The following FAM110A variants were observed in gnomAD, a reference collection of about 807,000 sequenced individuals.
FAM110A encodes protein FAM110A.
A neutral mutation model predicts 4.0 loss-of-function variants in FAM110A; 1 was observed. That is an observed-to-expected ratio of 0.25 (90% CI 0.09 to 1.20). The LOEUF (loss-of-function observed/expected upper bound fraction) is 1.20, where lower values mean the gene tolerates loss of function less well. FAM110A is among the 50% of genes most tolerant of loss of function. The pLI, the probability that FAM110A is intolerant of heterozygous loss-of-function variation, is 0.50. For missense variants in FAM110A, 436 were observed against 429.2 expected (o/e 1.02, Z -0.14); for synonymous variants, 217 against 196.8 (o/e 1.10, Z -0.86).
chr20:835,370 G>A (rs1325878236), intron 1 of FAM110A, among the ~76,000 whole-genome samples: 1 of 151,984 alleles, frequency 6.6e-6, no homozygotes, highest in Non-Finnish European at 1.5e-5. Context: ...CAGTCTCTGG[G>A]CTGAGCTAAG....
chr20:838,987 G>A (rs925587386), intron 1 of FAM110A, among the ~76,000 whole-genome samples: 5 of 152,190 alleles, frequency 3.3e-5, no homozygotes, highest in African/African-American at 9.6e-5. Flanking sequence ...AAACATTGCC[G>A]TTATTGCCCC....
chr20:838,295 CTT>C (rs1373154682), intron 1 of FAM110A, among the ~76,000 whole-genome samples: 1 of 152,206 alleles, frequency 6.6e-6, no homozygotes, highest in African/African-American at 2.4e-5. Context: ...TTCTTCCTCT[CTT>C]TCTTTCTTCT....
intron 1 of FAM110A, among the ~76,000 whole-genome samples, chr20:841,988 A>G (rs1162128009): frequency 2.0e-5 from 3 of 152,308 alleles, no homozygotes; most frequent in Non-Finnish European, 2.9e-5. Flanking sequence ...GGACTTGGTT[A>G]GTCGAAATCT....
chr20:835,463 C>A (rs1008634346), intron 1 of FAM110A, among the ~76,000 whole-genome samples: 2 of 151,986 alleles, frequency 1.3e-5, no homozygotes, highest in African/African-American at 4.8e-5. Context: ...CCTCCCCCTC[C>A]CCTTTCTAAT....
At chr20:835,194 C>A (rs371125061) in intron 1 of FAM110A, among the ~76,000 whole-genome samples, 8,026 of 124,146 alleles carry the variant, frequency 0.065, 315 homozygotes, top group African/African-American at 0.13. Context: ...CTCTCTCTCT[C>A]TCTCTCTATA....
Position 845,607 on chromosome 20 carries a change from T to A in FAM110A, c.803T>A (p.Val268Glu). The change falls in exon 2 of 2, where the codon GTG becomes GAG. Residue 268 changes from valine to glutamate, a missense_variant. Physicochemically the swap from Val to Glu is moderately radical, Grantham distance 121 (BLOSUM62 -2). Transcript: ENST00000381941. ...ERARERVPYGVSVVERNARVI... is the reference protein window; with the variant it reads ...ERARERVPYGESVVERNARVI... ...GCCCGGGAGCGCGTTCCCTATGGCGTGTCGGTGGTGGAGCGCAATGCCCGC... is the reference window on the plus strand; with the variant it reads ...GCCCGGGAGCGCGTTCCCTATGGCGAGTCGGTGGTGGAGCGCAATGCCCGC... The A allele has an allele frequency of 1.2e-6, 2 of 1,613,984 alleles. No individual in the cohort carries two copies. The highest frequency in any genetic ancestry group is 1.7e-6 in the Non-Finnish European group (2 of 1,180,004).
rs1980282773 is a variant in FAM110A at position 845,511 on chromosome 20, G to A, written c.707G>A (p.Gly236Glu). Residue 236 changes from glycine (G) to glutamate (E), a missense_variant, in exon 2 of 2, where the codon GGG becomes GAG. By Grantham distance (98) the Gly-to-Glu change is moderately conservative. Coordinates refer to ENST00000381941, the MANE Select transcript of FAM110A (RefSeq NM_001042353.3). ...AGCTCGGATATCGTGTCCCTGGCAG[G>A]GCCCAGTGCTGGGCCGGGCAGCTCT... ...RASSDIVSLAGPSAGPGSSEG... is the reference protein window; with the variant it reads ...RASSDIVSLAEPSAGPGSSEG... 1 of 1,612,276 alleles carries A rather than the reference G, an allele frequency of 6.2e-7. No individual in the cohort carries two copies. Among genetic ancestry groups the A allele is most frequent in the Admixed American group, 1.7e-5 (1 of 59,854 alleles).
At position 845,796 on chromosome 20, in the gene FAM110A, A is replaced by G. The variant is rs1215429674; in HGVS notation, c.*104A>G. On this transcript the variant is annotated 3_prime_UTR_variant, in exon 2 of 2. Transcript: ENST00000381941. ...TCTAGACGGCCGTGTCAGAGGCTCCACCCTGTTGTGAACTTGGTATGGAGG... is the reference window on the plus strand; with the variant it reads ...TCTAGACGGCCGTGTCAGAGGCTCCGCCCTGTTGTGAACTTGGTATGGAGG... The G allele has an allele frequency of 6.6e-7, 1 of 1,518,110 alleles. No individual in the cohort carries two copies. Among genetic ancestry groups the G allele is most frequent in the Non-Finnish European group, 8.8e-7 (1 of 1,133,240 alleles). The allele number at this position is 1,518,110 out of a possible 1,614,324, so 94.0% of individuals were successfully genotyped here. A position where few individuals can be genotyped will look rare whatever the true frequency, so the allele number is the denominator to read the frequency against.
chr20:839,581 C>G, intron 1 of FAM110A: 1 of 1,016,536 alleles, frequency 9.8e-7, no homozygotes, highest in East Asian at 2.4e-5. Context: ...TCTCTGTCAG[C>G]TTCCCGTCTT....
intron 1 of FAM110A, 34 bp from the exon 2 acceptor site, chr20:844,674 G>GC: frequency 1.8e-5 from 20 of 1,123,738 alleles, no homozygotes; most frequent in Non-Finnish European, 2.2e-5. Context: ...AGCGCGCTCG[G>GC]CTTTTTTTTT....
intron 1 of FAM110A, chr20:839,725 G>A: frequency 1.5e-6 from 2 of 1,302,030 alleles, no homozygotes; most frequent in Non-Finnish European, 2.2e-6. Flanking sequence ...TCTGGGGGCA[G>A]ATGAAGGTAA....
chr20:835,194 C>CTATATA (rs1485050831), intron 1 of FAM110A, among the ~76,000 whole-genome samples: 13 of 124,320 alleles, frequency 1.0e-4, no homozygotes, highest in South Asian at 5.2e-4. Flanking sequence ...CTCTCTCTCT[C>CTATATA]TCTCTCTATA....
rs1159065651 is a variant in FAM110A, at chr20:840,231, GA to G, written c.-97-4474del. 2.6e-5 allele frequency among the ~76,000 whole-genome samples: 4 copies of G among 152,132 alleles called. No individual in the cohort carries two copies. The highest frequency in any genetic ancestry group is 9.7e-5 in the African/African-American group (4 of 41,406). ...GGAGGCTGCAGTGCTGAGGGGGAAG[GA>G]AAGCTGATGTGCATCACTGCCGGTC... On this transcript the variant is annotated intron_variant, in intron 1 of 1. Transcript: ENST00000381941. The surrounding 1 kb of genome is among the most constrained non-coding windows in gnomAD (Gnocchi z 4.4).
chr20:835,146 A>G (rs1387016477), intron 1 of FAM110A, among the ~76,000 whole-genome samples: 2 of 148,972 alleles, frequency 1.3e-5, no homozygotes, highest in Non-Finnish European at 1.5e-5. Context: ...CACAGCCTTC[A>G]TGAAGTGCAG....
In FAM110A at chr20:845,002, T is replaced by A. The variant is rs779625752; in HGVS notation, c.198T>A (p.Pro66=). ...SLHVANTRQE[P]VQPLLSKQPL... is the part of the protein sequence containing the mutation. Reference sequence around the variant, plus strand: ...ACGTGGCCAACACCCGCCAGGAGCCTGTGCAGCCCCTGCTGTCCAAACAGC... The same window carrying A: ...ACGTGGCCAACACCCGCCAGGAGCCAGTGCAGCCCCTGCTGTCCAAACAGC... The change falls in exon 2 of 2, where the codon CCT becomes CCA. Residue 66 remains proline (P), a synonymous_variant. Coordinates refer to ENST00000381941, the MANE Select transcript of FAM110A (RefSeq NM_001042353.3). 1.3e-6 allele frequency: 2 copies of A among 1,596,896 alleles called. No homozygotes were observed. The highest frequency in any genetic ancestry group is 1.7e-6 in the Non-Finnish European group (2 of 1,172,576).
intron 1 of FAM110A, among the ~76,000 whole-genome samples, chr20:842,995 A>G (rs1037307215): frequency 1.1e-4 from 17 of 152,050 alleles, no homozygotes; most frequent in African/African-American, 3.9e-4. Flanking sequence ...CCCCGCCCCT[A>G]CACACACACG....
At position 834,154 on chromosome 20, in the gene FAM110A, C is replaced by G. The variant is rs573133087; in HGVS notation, c.-98+203C>G. Among the ~76,000 whole-genome samples, 10 of 152,362 alleles carry G rather than the reference C, an allele frequency of 6.6e-5. No homozygotes were observed. In the East Asian group the frequency reaches 1.9e-3, roughly 29 times the overall value. ...TCTTTCTGCCCCACCTCGCAGCCCC[C>G]TAGTCTAGTCACATCTGGACTTGCC... On this transcript the variant is annotated intron_variant, in intron 1 of 1. Coordinates refer to ENST00000381941, the MANE Select transcript of FAM110A (RefSeq NM_001042353.3). The surrounding 1 kb of genome is among the most constrained non-coding windows in gnomAD (Gnocchi z 5.6).
rs1418137814 is a variant in FAM110A, at chr20:844,916, C to G, written c.112C>G (p.Arg38Gly). The G allele has an allele frequency of 1.3e-6, 2 of 1,571,234 alleles. No homozygotes were observed. Among genetic ancestry groups the G allele is most frequent in the African/African-American group, 2.7e-5 (2 of 73,672 alleles). Residue 38 changes from arginine to glycine, a missense_variant, in exon 2 of 2, where the codon CGG (arginine) becomes GGG (glycine). Coordinates refer to ENST00000381941, the MANE Select transcript of FAM110A (RefSeq NM_001042353.3). ...LLRGPADGGARKPSAVERLEA... is the reference protein window; with the variant it reads ...LLRGPADGGAGKPSAVERLEA... ...ACGGGGGCCGGCAGATGGTGGAGCC[C>G]GGAAACCGAGCGCTGTGGAGCGCCT... is the stretch of plus-strand genomic sequence containing the variant.
intron 1 of FAM110A, chr20:839,909 G>C (rs1979790983): frequency 6.3e-7 from 1 of 1,594,280 alleles, no homozygotes; most frequent in Non-Finnish European, 8.6e-7. Flanking sequence ...CATCCTTCTT[G>C]GCCACCATGA....
Sources: gnomAD v4.1 joint callset for allele counts (sites outside exome capture counted in the v4.1 genomes callset) on GRCh38, gnomAD v4.1.1 for gene constraint, Gnocchi (gnomAD v3.1) non-coding constraint, MANE v1.5 for transcripts, NCBI Gene and HGNC (gene_info 2026-07-23, HGNC 2026-07-21) for gene names.